Variants in PACRG observed in about 807,000 individuals in gnomAD.
The protein encoded by PACRG is parkin coregulated.
PACRG carries 29 observed loss-of-function variants against 29.7 expected under a neutral mutation model. The observed-to-expected ratio is 0.98, with a 90% CI of 0.73 to 1.33. The LOEUF is 1.33. PACRG is among the 40% of genes most tolerant of loss of function. The pLI is 0.00. For synonymous variants in PACRG, 116 were observed against 118.7 expected, an observed-to-expected ratio of 0.98 and a Z score of 0.15; for missense variants, 279 against 316.2, an observed-to-expected ratio of 0.88 and a Z score of 0.89.
intron 2 of PACRG, among the ~76,000 whole-genome samples, chr6:162,942,345 A>T (rs1238754263): frequency 6.6e-6 from 1 of 152,138 alleles, no homozygotes; most frequent in African/African-American, 2.4e-5. Context: ...TCAGGGACTC[A>T]AATAACAAAG....
At chr6:163,022,580 A>T (rs1204149693) in intron 2 of PACRG, among the ~76,000 whole-genome samples, 2 of 152,206 alleles carry the variant, frequency 1.3e-5, no homozygotes, top group East Asian at 3.9e-4. Flanking sequence ...GTCCCAGGAA[A>T]CACCGAAATC....
At chr6:163,142,550 C>A (rs1207141225) in intron 4 of PACRG, among the ~76,000 whole-genome samples, 1 of 152,180 alleles carries the variant, frequency 6.6e-6, no homozygotes, top group African/African-American at 2.4e-5. Flanking sequence ...ATTTAAATAT[C>A]ATTTCTTTCT....
intron 2 of PACRG, among the ~76,000 whole-genome samples, chr6:163,002,328 A>G (rs565004131): frequency 2.0e-5 from 3 of 152,254 alleles, no homozygotes; most frequent in East Asian, 1.9e-4. Flanking sequence ...TCGTAGCACA[A>G]TTTCTTGATT....
chr6:162,727,953 C>G (rs1779398202), upstream of PACRG: 1 of 594,400 alleles, frequency 1.7e-6, no homozygotes, highest in African/African-American at 1.9e-5. Flanking sequence ...CGGGGCTATG[C>G]GCCCGCCGTG....
At position 163,040,020 on chromosome 6, in the gene PACRG, C is replaced by T. The variant is rs1381289245; in HGVS notation, c.292-22130C>T. ...GTCTCCAGGACATGTCAGAGATCTT[C>T]ATGGCAGCCCTTCCCATCACAGGCC... On this transcript the variant is annotated intron_variant, in intron 2 of 4. Transcript: ENST00000366888. 2.0e-5 allele frequency among the ~76,000 whole-genome samples: 3 copies of T among 152,326 alleles called. No homozygotes were observed. The East Asian group carries it at 5.8e-4, about 29-fold the overall frequency.
intron 1 of PACRG, among the ~76,000 whole-genome samples, chr6:162,793,793 C>T (rs59769666): frequency 0.22 from 33,128 of 152,046 alleles, 4,393 homozygotes; most frequent in African/African-American, 0.34. Flanking sequence ...TGTCTGATTA[C>T]GCAGAGAAGG....
intron 2 of PACRG, among the ~76,000 whole-genome samples, chr6:163,021,733 G>A (rs982951065): frequency 6.6e-6 from 1 of 152,082 alleles, no homozygotes; most frequent in Non-Finnish European, 1.5e-5. Flanking sequence ...AGCTTCAGCT[G>A]TCCCGAATTC....
At chr6:163,265,169 A>C (rs1290702230) in intron 4 of PACRG, among the ~76,000 whole-genome samples, 1 of 152,194 alleles carries the variant, frequency 6.6e-6, no homozygotes, top group Non-Finnish European at 1.5e-5. Flanking sequence ...GGCTCTAAAG[A>C]TAGTATGTTG....
intron 2 of PACRG, among the ~76,000 whole-genome samples, chr6:162,857,674 G>C (rs1791514947): frequency 6.6e-6 from 1 of 151,992 alleles, no homozygotes; most frequent in Non-Finnish European, 1.5e-5. Flanking sequence ...AAACAATGTG[G>C]CTATTTGAAA....
chr6:163,249,803 A>C (rs990219582), intron 4 of PACRG, among the ~76,000 whole-genome samples: 1 of 152,230 alleles, frequency 6.6e-6, no homozygotes, highest in African/African-American at 2.4e-5. Flanking sequence ...TCTCAGTGCA[A>C]ACTGAAGTTT....
At chr6:163,030,056 C>A (rs951514599) in intron 2 of PACRG, among the ~76,000 whole-genome samples, 1 of 152,080 alleles carries the variant, frequency 6.6e-6, no homozygotes, top group Non-Finnish European at 1.5e-5. Flanking sequence ...ATGAAATAAA[C>A]CTTTTTATCT....
At chr6:163,227,305 T>C (rs1781845273) in intron 4 of PACRG, among the ~76,000 whole-genome samples, 1 of 151,946 alleles carries the variant, frequency 6.6e-6, no homozygotes, top group Non-Finnish European at 1.5e-5. Flanking sequence ...GCCACGTACT[T>C]AACAACCAGA....
chr6:162,911,163 CA>C (rs963793163), intron 2 of PACRG, among the ~76,000 whole-genome samples: 1 of 152,200 alleles, frequency 6.6e-6, no homozygotes, highest in Non-Finnish European at 1.5e-5. Flanking sequence ...TTATTTTAAG[CA>C]AACAGCTTCA....
intron 2 of PACRG, among the ~76,000 whole-genome samples, chr6:162,977,224 T>C (rs1398208000): frequency 2.6e-5 from 4 of 152,038 alleles, no homozygotes; most frequent in African/African-American, 9.7e-5. Flanking sequence ...AACATACAAA[T>C]AGCTCCTTTA....
rs183831419 is a variant in PACRG, at chr6:162,785,026, A to G, written c.157-29121A>G. Among the ~76,000 whole-genome samples, 583 of 152,284 alleles carry G rather than the reference A, an allele frequency of 3.8e-3. 5 individuals are homozygous for G. The highest frequency in any genetic ancestry group is 0.013 in the African/African-American group (552 of 41,570). ...GAAAGTTCTTAGCTACAAAGGCCCA[A>G]TGAAACTTCTCATTGGGAAAACAGA... On this transcript the variant is annotated intron_variant, in intron 1 of 4. Coordinates refer to ENST00000366888, the MANE Select transcript of PACRG (RefSeq NM_001080379.2).
At chr6:163,084,965 G>A (rs1813423291) in intron 3 of PACRG, among the ~76,000 whole-genome samples, 1 of 149,090 alleles carries the variant, frequency 6.7e-6, no homozygotes, top group Admixed American at 6.8e-5. Flanking sequence ...TACCCAGGCT[G>A]TTTTATTGCA....
At chr6:163,241,530 G>T (rs566740478) in intron 4 of PACRG, among the ~76,000 whole-genome samples, 1 of 152,160 alleles carries the variant, frequency 6.6e-6, no homozygotes, top group Non-Finnish European at 1.5e-5. Flanking sequence ...CACGATACAT[G>T]CCTGGGGACC....
At chr6:162,870,251 C>T (rs908017363) in intron 2 of PACRG, among the ~76,000 whole-genome samples, 6 of 152,192 alleles carry the variant, frequency 3.9e-5, no homozygotes, top group African/African-American at 7.2e-5. Flanking sequence ...GATTACCAAG[C>T]GTTCAATGAA....
chr6:163,204,341 T>G (rs1474386815), intron 4 of PACRG, among the ~76,000 whole-genome samples: 1 of 152,228 alleles, frequency 6.6e-6, no homozygotes, highest in Non-Finnish European at 1.5e-5. Flanking sequence ...CACCTTTATG[T>G]TATTACTGCA....
Sources: allele counts gnomAD v4.1 joint callset (sites outside exome capture counted in the v4.1 genomes callset), GRCh38; gene constraint gnomAD v4.1.1; transcripts MANE v1.5; gene names NCBI Gene and HGNC (gene_info 2026-07-23, HGNC 2026-07-21).